Variants in STIM2 observed in about 807,000 individuals in gnomAD.
The protein encoded by STIM2 is stromal interaction molecule 2.
Under a neutral mutation model 85.8 loss-of-function variants are expected in STIM2, and 31 were observed. The observed-to-expected ratio is 0.36, with a 90% CI of 0.27 to 0.49. The LOEUF (loss-of-function observed/expected upper bound fraction) is 0.49. Among genes scored for constraint, STIM2 ranks in the 20% least tolerant of loss-of-function variants. The pLI, the probability that STIM2 is intolerant of heterozygous loss-of-function variation, is 0.98. For synonymous variants in STIM2, 356 were observed against 331.1 expected (o/e 1.08, Z -0.82); for missense variants, 841 against 927.6 (o/e 0.91, Z 1.21).
intron 1 of STIM2, among the ~76,000 whole-genome samples, chr4:26,878,659 T>C (rs993650483): frequency 5.9e-5 from 9 of 152,184 alleles, no homozygotes; most frequent in Non-Finnish European, 1.3e-4. Context: ...CCATCTGTAT[T>C]AGTTCATTTT....
At chr4:26,934,841 A>T (rs2109077197) in intron 2 of STIM2, among the ~76,000 whole-genome samples, 1 of 136,366 alleles carries the variant, frequency 7.3e-6, no homozygotes, top group South Asian at 2.5e-4. Flanking sequence ...TGAACCCGGG[A>T]GGTGGAGGTT....
At chr4:26,905,559 G>C (rs1314297264) in intron 1 of STIM2, among the ~76,000 whole-genome samples, 2 of 152,162 alleles carry the variant, frequency 1.3e-5, no homozygotes, top group Non-Finnish European at 2.9e-5. Flanking sequence ...GACCTGAGCA[G>C]TTTTAGGAAT....
At chr4:26,945,505 A>C (rs1006659536) in intron 2 of STIM2, among the ~76,000 whole-genome samples, 10 of 152,140 alleles carry the variant, frequency 6.6e-5, no homozygotes, top group African/African-American at 2.2e-4. Flanking sequence ...TTCTGCCTCT[A>C]GGTCTTTGAG....
At position 27,025,087 on chromosome 4, in the gene STIM2, G is replaced by A. The variant is rs1025095066; in HGVS notation, c.*2091G>A. On this transcript the variant is annotated 3_prime_UTR_variant, in exon 12 of 12. Coordinates refer to ENST00000467087, the MANE Select transcript of STIM2 (RefSeq NM_020860.4). ...ACTGTGGGCTGTTTTCAGTCAGGGA[G>A]CATGTGCATTGTTTGTGCTCAATTT... 1 of 152,130 alleles carries A rather than the reference G, an allele frequency of 6.6e-6. No individual in the cohort carries two copies. Among genetic ancestry groups the A allele is most frequent in the African/African-American group, 2.4e-5 (1 of 41,426 alleles). The allele number at this position is 152,130 out of a possible 1,614,324, so 9.4% of individuals were successfully genotyped here. A position where few individuals can be genotyped will look rare whatever the true frequency, so the allele number is the denominator to read the frequency against.
chr4:26,950,107 T>C (rs561756534), intron 2 of STIM2, among the ~76,000 whole-genome samples: 11 of 152,328 alleles, frequency 7.2e-5, no homozygotes, highest in African/African-American at 2.2e-4. Context: ...CATAATCTTA[T>C]CTGCAATATA....
chr4:26,865,924 T>C (rs1722390391), intron 1 of STIM2, among the ~76,000 whole-genome samples: 1 of 152,202 alleles, frequency 6.6e-6, no homozygotes, highest in African/African-American at 2.4e-5. Context: ...AGTATTGTGC[T>C]AAGTGCTTTT....
intron 2 of STIM2, among the ~76,000 whole-genome samples, chr4:26,949,413 T>C (rs931587117): frequency 6.6e-6 from 1 of 152,178 alleles, no homozygotes; most frequent in African/African-American, 2.4e-5. Context: ...AAAATTCTTT[T>C]ATTGGTGACT....
At chr4:26,890,065 C>G (rs1372213083) in intron 1 of STIM2, among the ~76,000 whole-genome samples, 1 of 152,210 alleles carries the variant, frequency 6.6e-6, no homozygotes, top group African/African-American at 2.4e-5. Flanking sequence ...GCCAAGTGTG[C>G]TGCCCAAAGT....
chr4:26,937,276 A>G (rs1397738174), intron 2 of STIM2, among the ~76,000 whole-genome samples: 1 of 152,172 alleles, frequency 6.6e-6, no homozygotes, highest in Non-Finnish European at 1.5e-5. Flanking sequence ...CCTATTAAAC[A>G]TTGTTACAGA....
In STIM2 at chr4:26,931,280, C is replaced by T. The variant is rs149629370; in HGVS notation, c.282+11646C>T. Among the ~76,000 whole-genome samples the T allele has an allele frequency of 8.6e-3, 1,314 of 152,180 alleles. 5 individuals carry two copies. Among genetic ancestry groups the T allele is most frequent in the Middle Eastern group, 0.024 (7 of 294 alleles). On this transcript the variant is annotated intron_variant, in intron 2 of 11. Coordinates refer to ENST00000467087, the MANE Select transcript of STIM2 (RefSeq NM_020860.4). ...GTCCCATCACTTTTGCTGTATTCTA[C>T]TCATGGGAAGTGAGTTACTAGGTCC...
chr4:26,955,045 CTTAGAAATAAAATTTCTTAGAAATT>C (rs1326194392), intron 2 of STIM2, among the ~76,000 whole-genome samples: 1 of 145,524 alleles, frequency 6.9e-6, no homozygotes, highest in African/African-American at 2.6e-5. Flanking sequence ...AATTAAATTC[CTTAGAAATAAAATTTCTTAGAAATT>C]TTATTTCTAA....
At chr4:26,885,852 T>TAC (rs1723212397) in intron 1 of STIM2, among the ~76,000 whole-genome samples, 1 of 51,328 alleles carries the variant, frequency 1.9e-5, no homozygotes, top group Non-Finnish European at 3.8e-5. Context: ...TATATATATA[T>TAC]ATATATATAT....
At position 27,002,353 on chromosome 4, in the gene STIM2, C is replaced by T. The variant is rs1728184721; in HGVS notation, c.762C>T (p.Ser254=). ...CAAAAATGATGAAAGATTTAGAGAG[C>T]TTACAAACTGCAGAGCAAAGTCTAA... is the stretch of plus-strand genomic sequence containing the variant. Residue 254 remains serine, a synonymous_variant, in exon 6 of 12, where the codon AGC becomes AGT. Transcript: ENST00000467087. 3.1e-6 allele frequency: 5 copies of T among 1,612,452 alleles called. No homozygotes were observed. Among genetic ancestry groups the T allele is most frequent in the Non-Finnish European group, 4.2e-6 (5 of 1,179,486 alleles).
chr4:26,878,243 G>T (rs892386959), intron 1 of STIM2, among the ~76,000 whole-genome samples: 2 of 152,234 alleles, frequency 1.3e-5, no homozygotes. Flanking sequence ...GGTAGGGCTC[G>T]TAAGCCTGAG....
intron 2 of STIM2, among the ~76,000 whole-genome samples, chr4:26,933,448 C>T (rs1031169178): frequency 1.4e-4 from 21 of 152,122 alleles, no homozygotes; most frequent in Admixed American, 5.9e-4. Flanking sequence ...GGTTCAAATA[C>T]AGTCCTTCAA....
At chr4:26,975,545 C>T (rs922107025) in intron 3 of STIM2, among the ~76,000 whole-genome samples, 1 of 152,208 alleles carries the variant, frequency 6.6e-6, no homozygotes, top group Non-Finnish European at 1.5e-5. Context: ...CCCTGTTTGC[C>T]TGGGTATCAC....
intron 1 of STIM2, among the ~76,000 whole-genome samples, chr4:26,880,494 G>A (rs983283000): frequency 6.6e-6 from 1 of 151,252 alleles, no homozygotes; most frequent in Non-Finnish European, 1.5e-5. Context: ...AAAGGATTGG[G>A]CCCTTGTACT....
chr4:26,882,963 G>A (rs1332901074), intron 1 of STIM2, among the ~76,000 whole-genome samples: 3 of 150,122 alleles, frequency 2.0e-5, no homozygotes, highest in East Asian at 2.0e-4. Flanking sequence ...TCAGCCTCCC[G>A]AGTAGCTGGG....
At chr4:27,008,289 A>T in intron 8 of STIM2, 139 bp from the exon 9 acceptor site, 2 of 535,048 alleles carry the variant, frequency 3.7e-6, no homozygotes, top group East Asian at 3.1e-5. Flanking sequence ...GAATGCAGGG[A>T]TATCTTGGCT....
Sources: gnomAD v4.1 joint callset for allele counts (sites outside exome capture counted in the v4.1 genomes callset) on GRCh38, gnomAD v4.1.1 for gene constraint, MANE v1.5 for transcripts, NCBI Gene and HGNC (gene_info 2026-07-23, HGNC 2026-07-21) for gene names.